PCSK7: variants seen among roughly 807,000 people sequenced by gnomAD.
PCSK7 encodes the protein lymphoma proprotein convertase.
Under a neutral mutation model 73.3 loss-of-function variants are expected in PCSK7, and 38 were observed. That is an observed-to-expected ratio of 0.52 (90% CI 0.40 to 0.68). The LOEUF is 0.68. Among genes scored for constraint, PCSK7 ranks in the 30% least tolerant of loss-of-function variants. PCSK7 has a pLI of 0.00. For missense variants in PCSK7, 692 were observed against 991.5 expected, an observed-to-expected ratio of 0.70 and a Z score of 4.06; for synonymous variants, 296 against 383.8, an observed-to-expected ratio of 0.77 and a Z score of 2.68.
At position 117,204,383 on chromosome 11, in the gene PCSK7, C is replaced by T; in HGVS notation, c.*1614G>A. On this transcript the variant is annotated 3_prime_UTR_variant, in exon 17 of 17. Coordinates refer to ENST00000320934, the MANE Select transcript of PCSK7 (RefSeq NM_004716.4). Reference sequence around the variant, plus strand: ...AGAGCGGAGAGGGCTAGCCCTGAGCCCGGCCCTCCCCCAGCTCCTTGGCTG... The same window carrying T: ...AGAGCGGAGAGGGCTAGCCCTGAGCTCGGCCCTCCCCCAGCTCCTTGGCTG... 1.9e-6 allele frequency: 3 copies of T among 1,614,174 alleles called. No homozygotes were observed. The highest frequency in any genetic ancestry group is 2.5e-6 in the Non-Finnish European group (3 of 1,179,982).
Position 117,204,525 on chromosome 11 carries a change from C to T in PCSK7, c.*1472G>A. On this transcript the variant is annotated 3_prime_UTR_variant, in exon 17 of 17. Transcript: ENST00000320934. Reference sequence around the variant, plus strand: ...TGCACCTGGGCAGCTCCTCCCTGTGCCCCCAGCCTCAGCCCAACTTCTTAC... The same window carrying T: ...TGCACCTGGGCAGCTCCTCCCTGTGTCCCCAGCCTCAGCCCAACTTCTTAC... 2.4e-5 allele frequency: 26 copies of T among 1,070,716 alleles called. No individual in the cohort carries two copies. Among genetic ancestry groups the T allele is most frequent in the Non-Finnish European group, 3.6e-5 (26 of 720,912 alleles). 66.3% of individuals were successfully genotyped at this position (1,070,716 alleles called of 1,614,324 possible).
chr11:117,217,931 T>G (rs998209794), intron 12 of PCSK7: 3 of 152,368 alleles, frequency 2.0e-5, no homozygotes, highest in African/African-American at 7.2e-5. Flanking sequence ...TCCTGGTTCA[T>G]GCTGGCCACC....
chr11:117,223,137 G>A (rs1565314181), intron 9 of PCSK7, 71 bp downstream of exon 9: 1 of 900,586 alleles, frequency 1.1e-6, no homozygotes, highest in East Asian at 2.4e-5. Flanking sequence ...ACAGTGAGAA[G>A]CGCTGTGATG....
At chr11:117,224,853 G>T in intron 6 of PCSK7, 98 bp from the exon 7 acceptor site, 4 of 844,430 alleles carry the variant, frequency 4.7e-6, no homozygotes, top group Non-Finnish European at 8.3e-6. Flanking sequence ...TTGACCTGCA[G>T]CTCTTAACTC....
intron 12 of PCSK7, chr11:117,217,545 A>T (rs548005931): frequency 6.6e-6 from 1 of 152,020 alleles, no homozygotes; most frequent in South Asian, 2.1e-4. Context: ...GGAGGAGAAA[A>T]CTCAATTCTT....
intron 9 of PCSK7, 71 bp from the exon 10 acceptor site, chr11:117,219,829 T>C (rs3882895): frequency 0.23 from 275,655 of 1,214,620 alleles, 33,322 homozygotes; most frequent in African/African-American, 0.43. Context: ...TGTGCACCTA[T>C]AGTCCCGGCT....
rs754126655 is a variant in PCSK7 at position 117,219,772 on chromosome 11, A to AGGAAAAGGAAGT, written c.1156-26_1156-15dup. 1 of 1,564,960 alleles carries AGGAAAAGGAAGT rather than the reference A, an allele frequency of 6.4e-7. No individual in the cohort carries two copies. Among genetic ancestry groups the AGGAAAAGGAAGT allele is most frequent in the Non-Finnish European group, 8.7e-7 (1 of 1,155,390 alleles). On this transcript the variant is annotated splice_polypyrimidine_tract_variant and intron_variant, in intron 9 of 16. Coordinates refer to ENST00000320934, the MANE Select transcript of PCSK7 (RefSeq NM_004716.4). ...GTCAGTGGTCACCTGGAAGTGAAAC[A>AGGAAAAGGAAGT]GGAAAAGGAAGTAGGTTAGAGACTG... is the stretch of plus-strand genomic sequence containing the variant.
chr11:117,218,540 G>C lies in PCSK7; in HGVS notation c.1460C>G (p.Ser487Cys). The C allele has an allele frequency of 6.2e-7, 1 of 1,609,274 alleles. No individual in the cohort carries two copies. Among genetic ancestry groups the C allele is most frequent in the Non-Finnish European group, 8.5e-7 (1 of 1,177,374 alleles). ...KIWTSVPYLA[S>C]YVSPVLKENK... ...TTCTTTTAACACGGGACTGACGTAGGATGCTAAGTAAGGGACAGATGTCCA... is the reference window on the plus strand; with the variant it reads ...TTCTTTTAACACGGGACTGACGTAGCATGCTAAGTAAGGGACAGATGTCCA... The change falls in exon 12 of 17, where the codon TCC becomes TGC. Residue 487 changes from serine to cysteine, a missense_variant. By Grantham distance (112) the Ser-to-Cys change is moderately radical (BLOSUM62 -1). This residue lies in a region of PCSK7 where 574 missense variants were observed against 689.8 expected (regional missense o/e 0.83). Transcript: ENST00000320934. The surrounding 1 kb of genome is among the most constrained non-coding windows in gnomAD (Gnocchi z 4.0).
At chr11:117,224,249 G>C (rs73580314) in intron 7 of PCSK7, 33 bp from the exon 8 acceptor site, 1 of 1,611,502 alleles carries the variant, frequency 6.2e-7, no homozygotes, top group Non-Finnish European at 8.5e-7. Flanking sequence ...TGTCAGTTGA[G>C]GAACCCACAG....
intron 3 of PCSK7, 71 bp downstream of exon 3, chr11:117,229,306 G>C (rs2032548897): frequency 1.7e-6 from 2 of 1,173,778 alleles, no homozygotes; most frequent in Non-Finnish European, 2.5e-6. Flanking sequence ...GAGTGATATA[G>C]TCAAAAGCCC....
rs1039919514 is a variant in PCSK7, at chr11:117,204,952, G to C, written c.*1045C>G. On this transcript the variant is annotated 3_prime_UTR_variant, in exon 17 of 17. Transcript: ENST00000320934. ...ATTCCAGGACAGTCAGATTCTTTCA[G>C]AGGAAACAGGCCATAGAACAGGAGA... is the stretch of plus-strand genomic sequence containing the variant. 2.0e-5 allele frequency: 4 copies of C among 200,252 alleles called. No homozygotes were observed. The highest frequency in any genetic ancestry group is 1.0e-5 in the Non-Finnish European group (1 of 95,440). 12.4% of individuals were successfully genotyped at this position (200,252 alleles called of 1,614,324 possible).
chr11:117,205,410 G>A lies in PCSK7; in HGVS notation c.*587C>T. On this transcript the variant is annotated 3_prime_UTR_variant, in exon 17 of 17. Coordinates refer to ENST00000320934, the MANE Select transcript of PCSK7 (RefSeq NM_004716.4). ...TCCCTAGTGAAGCAGCTCAGGCCTG[G>A]GGGAGCCGTGTGTATCCCAGCTGTG... 1 of 233,734 alleles carries A rather than the reference G, an allele frequency of 4.3e-6. No individual in the cohort carries two copies. 14.5% of individuals were successfully genotyped at this position (233,734 alleles called of 1,614,324 possible). A position where few individuals can be genotyped will look rare whatever the true frequency, so the allele number is the denominator to read the frequency against.
At position 117,205,751 on chromosome 11, in the gene PCSK7, C is replaced by T. The variant is rs542015178; in HGVS notation, c.*246G>A. The T allele has an allele frequency of 1.5e-5, 6 of 397,076 alleles. No homozygotes were observed. In the East Asian group the frequency reaches 1.9e-4, roughly 13 times the overall value. 24.6% of individuals were successfully genotyped at this position (397,076 alleles called of 1,614,324 possible). ...GGATGGAGGCCAAACCAAAGGGGGG[C>T]GCCAATCCCCTGTCCAACACCTTCT... On this transcript the variant is annotated 3_prime_UTR_variant, in exon 17 of 17. Coordinates refer to ENST00000320934, the MANE Select transcript of PCSK7 (RefSeq NM_004716.4).
intron 5 of PCSK7, 64 bp downstream of exon 5, chr11:117,227,093 G>T: frequency 7.7e-7 from 1 of 1,297,290 alleles, no homozygotes. Flanking sequence ...AGGGAGGGGT[G>T]CAGGAAATGA....
intron 9 of PCSK7, chr11:117,222,143 T>G (rs2032225383): frequency 1.3e-5 from 2 of 152,266 alleles, no homozygotes; most frequent in African/African-American, 4.8e-5. Flanking sequence ...CCAGCCCAGC[T>G]CCTGCCTAGA....
At chr11:117,229,033 C>T (rs1463638384) in intron 3 of PCSK7, among the ~76,000 whole-genome samples, 1 of 152,206 alleles carries the variant, frequency 6.6e-6, no homozygotes, top group Non-Finnish European at 1.5e-5. Flanking sequence ...TTACCCTAAC[C>T]ATAACTCTAT....
intron 9 of PCSK7, chr11:117,222,067 T>C (rs924821124): frequency 1.3e-5 from 2 of 152,266 alleles, no homozygotes; most frequent in Admixed American, 6.5e-5. Context: ...CAAAGCAGCC[T>C]AATTCCCAAT....
intron 8 of PCSK7, 57 bp from the exon 9 acceptor site, chr11:117,223,365 G>C (rs1166464918): frequency 2.9e-6 from 3 of 1,034,810 alleles, no homozygotes; most frequent in Middle Eastern, 2.0e-4. Flanking sequence ...TGTGGCAGGG[G>C]CTTGCTAATG....
In PCSK7 at chr11:117,206,209, C is replaced by G; in HGVS notation, c.2146G>C (p.Glu716Gln). 6.2e-7 allele frequency: 1 copy of G among 1,614,174 alleles called. No homozygotes were observed. ...WPHRSRKAKE[E>Q]GTELESVPLC... ...GGCACTGATTCTAGCTCTGTCCCTT[C>G]CTCCTTGGCTTTCCGGCTCCGATGG... The change falls in exon 17 of 17, where the codon GAA (glutamate) becomes CAA (glutamine). Residue 716 changes from glutamate (E) to glutamine (Q), a missense_variant. Around this residue, in one of 6 missense-constraint regions of PCSK7, gnomAD observed 78 missense variants for 102.6 expected, o/e 0.76. Coordinates refer to ENST00000320934, the MANE Select transcript of PCSK7 (RefSeq NM_004716.4).
Sources: allele counts gnomAD v4.1 joint callset (sites outside exome capture counted in the v4.1 genomes callset), GRCh38; gene constraint gnomAD v4.1.1; regional missense constraint gnomAD v4.1.1; non-coding constraint Gnocchi (gnomAD v3.1); transcripts MANE v1.5; gene names NCBI Gene and HGNC (gene_info 2026-07-23, HGNC 2026-07-21).